Variants in PACSIN1 observed in about 807,000 individuals in gnomAD.
The protein encoded by PACSIN1 is protein kinase C and casein kinase substrate in neurons protein 1.
PACSIN1 carries 15 observed loss-of-function variants against 59.5 expected under a neutral mutation model. That is an observed-to-expected ratio of 0.25 (90% CI 0.17 to 0.39). The LOEUF is 0.39. PACSIN1 is among the 10% of genes least tolerant of loss of function. The pLI is 1.00. For missense variants in PACSIN1, 420 were observed against 580.2 expected (o/e 0.72, Z 2.84); for synonymous variants, 210 against 220.6 (o/e 0.95, Z 0.42).
chr6:34,528,907 T>TGCCCCCGGGGGGGGGGG, intron 4 of PACSIN1, 30 bp downstream of exon 4: 1 of 250,436 alleles, frequency 4.0e-6, no homozygotes, highest in Non-Finnish European at 7.9e-6. Context: ...ACGGGCGGGG[T>TGCCCCCGGGGGGGGGGG]GGGGTGGGCC....
intron 1 of PACSIN1, among the ~76,000 whole-genome samples, chr6:34,505,648 T>TTTTTTTA (rs1767101271): frequency 6.7e-6 from 1 of 149,974 alleles, no homozygotes; most frequent in African/African-American, 2.5e-5. Context: ...TTTTTTTTTT[T>TTTTTTTA]GAGATGGAGT....
chr6:34,522,345 G>A (rs994922945), intron 1 of PACSIN1, among the ~76,000 whole-genome samples: 17 of 152,238 alleles, frequency 1.1e-4, no homozygotes, highest in African/African-American at 3.6e-4. Flanking sequence ...ATCTACAGCC[G>A]TACCCAGCAC....
At chr6:34,480,605 G>A (rs150204642) in intron 1 of PACSIN1, among the ~76,000 whole-genome samples, 2 of 151,958 alleles carry the variant, frequency 1.3e-5, no homozygotes, top group Non-Finnish European at 2.9e-5. Context: ...AGACATCAGG[G>A]TTTTTTTCTG....
chr6:34,521,967 C>G lies in PACSIN1; in HGVS notation c.-63-4276C>G, dbSNP rs1767400117. ...GGATGTAATCCTACTCTGCGCTGCA[C>G]AGGCCCCAGGGTCAAGTCCTTACTC... On this transcript the variant is annotated intron_variant, in intron 1 of 9. Coordinates refer to ENST00000244458, the MANE Select transcript of PACSIN1 (RefSeq NM_020804.5). The surrounding 1 kb of genome is among the most constrained non-coding windows in gnomAD (Gnocchi z 4.3). 6.6e-6 allele frequency among the ~76,000 whole-genome samples: 1 copy of G among 152,202 alleles called. No individual in the cohort carries two copies. The highest frequency in any genetic ancestry group is 1.5e-5 in the Non-Finnish European group (1 of 68,030).
chr6:34,481,102 G>A (rs1422602751), intron 1 of PACSIN1, among the ~76,000 whole-genome samples: 2 of 151,940 alleles, frequency 1.3e-5, no homozygotes, highest in African/African-American at 2.4e-5. Flanking sequence ...CTGGAGTGCA[G>A]TGGTGTGATC....
chr6:34,512,542 G>A (rs1036241662), intron 1 of PACSIN1, among the ~76,000 whole-genome samples: 2 of 152,272 alleles, frequency 1.3e-5, no homozygotes, highest in East Asian at 1.9e-4. Context: ...GCTCTTGGGC[G>A]CCGGGAGTCC....
At position 34,534,720 on chromosome 6, in the gene PACSIN1, C is replaced by A. The variant is rs573018143; in HGVS notation, c.*2190C>A. 2 of 152,784 alleles carry A rather than the reference C, an allele frequency of 1.3e-5. No homozygotes were observed. Among genetic ancestry groups the A allele is most frequent in the African/African-American group, 2.4e-5 (1 of 41,452 alleles). The allele number at this position is 152,784 out of a possible 1,614,324, so 9.5% of individuals were successfully genotyped here. ...AACCCCCTCCGTCCTGAGCAGCCACCTCCAGGGCCCTGTTTGGGACCACTC... is the reference window on the plus strand; with the variant it reads ...AACCCCCTCCGTCCTGAGCAGCCACATCCAGGGCCCTGTTTGGGACCACTC... On this transcript the variant is annotated 3_prime_UTR_variant, in exon 10 of 10. Coordinates refer to ENST00000244458, the MANE Select transcript of PACSIN1 (RefSeq NM_020804.5).
chr6:34,498,976 C>T (rs976849578), intron 1 of PACSIN1, among the ~76,000 whole-genome samples: 7 of 151,068 alleles, frequency 4.6e-5, no homozygotes, highest in Non-Finnish European at 7.4e-5. Context: ...TTCCACAGAC[C>T]AGGGTTAGGG....
At chr6:34,512,743 A>G (rs1324394449) in intron 1 of PACSIN1, among the ~76,000 whole-genome samples, 2 of 152,226 alleles carry the variant, frequency 1.3e-5, no homozygotes, top group Admixed American at 6.5e-5. Context: ...CCTTTGATCT[A>G]AGGATAGAAG....
chr6:34,506,140 C>A (rs1447289527), intron 1 of PACSIN1, among the ~76,000 whole-genome samples: 1 of 151,964 alleles, frequency 6.6e-6, no homozygotes, highest in Non-Finnish European at 1.5e-5. Context: ...GTATTTGTGT[C>A]TTGGTGTTGT....
rs1229209647 is a variant in PACSIN1, at chr6:34,515,546, G to C, written c.-63-10697G>C. Among the ~76,000 whole-genome samples, 1 of 152,142 alleles carries C rather than the reference G, an allele frequency of 6.6e-6. No homozygotes were observed. Among genetic ancestry groups the C allele is most frequent in the Non-Finnish European group, 1.5e-5 (1 of 68,002 alleles). On this transcript the variant is annotated intron_variant, in intron 1 of 9. Coordinates refer to ENST00000244458, the MANE Select transcript of PACSIN1 (RefSeq NM_020804.5). This position sits in a 1 kb window ranked among gnomAD's most constrained non-coding sequence, Gnocchi z 4.4. Reference sequence around the variant, plus strand: ...CCGATGACACCAGAGCCTCCCTGCTGGCCCTGGATGGTCTCAGGCACTGGG... The same window carrying C: ...CCGATGACACCAGAGCCTCCCTGCTCGCCCTGGATGGTCTCAGGCACTGGG...
Position 34,528,785 on chromosome 6 carries a change from C to T in PACSIN1, c.364C>T (p.His122Tyr). 6.2e-7 allele frequency: 1 copy of T among 1,613,794 alleles called. No homozygotes were observed. The highest frequency in any genetic ancestry group is 8.5e-7 in the Non-Finnish European group (1 of 1,179,994). ...KVKNWQKDAY[H>Y]KQIMGGFKET... The stretch of plus-strand genomic sequence containing the variant: ...GAAGAACTGGCAGAAGGACGCCTAT[C>T]ACAAGCAGATCATGGGTGGCTTCAA... The change falls in exon 4 of 10, where the codon CAC (histidine) becomes TAC (tyrosine). Residue 122 changes from histidine to tyrosine, a missense_variant. Physicochemically the swap from His to Tyr is moderately conservative, Grantham distance 83. Coordinates refer to ENST00000244458, the MANE Select transcript of PACSIN1 (RefSeq NM_020804.5).
In PACSIN1 at chr6:34,529,689, G is replaced by A; in HGVS notation, c.636G>A (p.Val212=). The stretch of plus-strand genomic sequence containing the variant: ...AGACACAGGAGAAGTATGAGAAAGT[G>A]CTGGAAGATGTGGGCAAGACCACAC... The part of the protein sequence containing the change: ...VQKTQEKYEK[V]LEDVGKTTPQ... The change falls in exon 6 of 10, where the codon GTG becomes GTA. Residue 212 remains valine (V), a synonymous_variant. Transcript: ENST00000244458. The surrounding 1 kb of genome is among the most constrained non-coding windows in gnomAD (Gnocchi z 6.3). The A allele has an allele frequency of 7.4e-6, 12 of 1,614,168 alleles. No homozygotes were observed. The highest frequency in any genetic ancestry group is 1.1e-5 in the South Asian group (1 of 91,084).
intron 1 of PACSIN1, among the ~76,000 whole-genome samples, chr6:34,509,423 C>T (rs985343315): frequency 4.6e-5 from 7 of 152,104 alleles, no homozygotes; most frequent in Admixed American, 1.3e-4. Context: ...CCATAATATG[C>T]ATATATGTCT....
At chr6:34,501,633 A>G (rs568267413) in intron 1 of PACSIN1, among the ~76,000 whole-genome samples, 1 of 152,272 alleles carries the variant, frequency 6.6e-6, no homozygotes, top group Admixed American at 6.5e-5. Flanking sequence ...GGAGGTTTAA[A>G]AGTCTCTTTG....
chr6:34,514,667 G>A lies in PACSIN1; in HGVS notation c.-63-11576G>A, dbSNP rs762335779. 6.6e-6 allele frequency among the ~76,000 whole-genome samples: 1 copy of A among 152,162 alleles called. No individual in the cohort carries two copies. Among genetic ancestry groups the A allele is most frequent in the African/African-American group, 2.4e-5 (1 of 41,442 alleles). ...TGTCCCCACCAGCGTCTCTGTGGCCGTGAAGTGTATGCATGCGTGCCCATG... is the reference window on the plus strand; with the variant it reads ...TGTCCCCACCAGCGTCTCTGTGGCCATGAAGTGTATGCATGCGTGCCCATG... On this transcript the variant is annotated intron_variant, in intron 1 of 9. Coordinates refer to ENST00000244458, the MANE Select transcript of PACSIN1 (RefSeq NM_020804.5). The surrounding 1 kb of genome is among the most constrained non-coding windows in gnomAD (Gnocchi z 4.4).
At chr6:34,511,484 G>A (rs145460466) in intron 1 of PACSIN1, among the ~76,000 whole-genome samples, 8 of 152,232 alleles carry the variant, frequency 5.3e-5, no homozygotes, top group African/African-American at 1.7e-4. Flanking sequence ...CACTGGATAC[G>A]GTATAAAGCA....
At position 34,529,910 on chromosome 6, in the gene PACSIN1, A is replaced by G. The variant is rs2127275294; in HGVS notation, c.788+69A>G. On this transcript the variant is annotated intron_variant, in intron 6 of 9. Coordinates refer to ENST00000244458, the MANE Select transcript of PACSIN1 (RefSeq NM_020804.5). This position sits in a 1 kb window ranked among gnomAD's most constrained non-coding sequence, Gnocchi z 6.3. ...AGATGGTGTGACTGGCATGCAGGGC[A>G]TCCCAGCCCTCCATCACAGTGACGG... The G allele has an allele frequency of 6.7e-7, 1 of 1,501,464 alleles. No individual in the cohort carries two copies. Among genetic ancestry groups the G allele is most frequent in the Non-Finnish European group, 9.1e-7 (1 of 1,100,178 alleles). 93.0% of individuals were successfully genotyped at this position (1,501,464 alleles called of 1,614,324 possible).
At position 34,532,255 on chromosome 6, in the gene PACSIN1, G is replaced by T. The variant is rs1347028090; in HGVS notation, c.1226-166G>T. ...AAGACCCCTATGCCAAGGGTGGCAC[G>T]TGAATGTTGGCGTGGGACTGGGGCT... On this transcript the variant is annotated intron_variant, in intron 9 of 9. Coordinates refer to ENST00000244458, the MANE Select transcript of PACSIN1 (RefSeq NM_020804.5). The surrounding 1 kb of genome is among the most constrained non-coding windows in gnomAD (Gnocchi z 5.2). Among the ~76,000 whole-genome samples, 1 of 152,062 alleles carries T rather than the reference G, an allele frequency of 6.6e-6. No individual in the cohort carries two copies. The highest frequency in any genetic ancestry group is 2.4e-5 in the African/African-American group (1 of 41,408).
Sources: gnomAD v4.1 joint callset for allele counts (sites outside exome capture counted in the v4.1 genomes callset) on GRCh38, gnomAD v4.1.1 for gene constraint, Gnocchi (gnomAD v3.1) non-coding constraint, MANE v1.5 for transcripts, NCBI Gene and HGNC (gene_info 2026-07-23, HGNC 2026-07-21) for gene names.